Variants in TOP2B observed in about 807,000 individuals in gnomAD.
The protein encoded by TOP2B is DNA topoisomerase 2-beta.
TOP2B carries 51 observed loss-of-function variants against 193.5 expected under a neutral mutation model. That is an observed-to-expected ratio of 0.26 (90% CI 0.21 to 0.33). The LOEUF (loss-of-function observed/expected upper bound fraction) is 0.33. Among genes scored for constraint, TOP2B ranks in the 10% least tolerant of loss-of-function variants. TOP2B has a pLI of 1.00. For missense variants in TOP2B, 1,378 were observed against 1,909.3 expected (o/e 0.72, Z 5.19); for synonymous variants, 634 against 635.7 (o/e 1.00, Z 0.04).
intron 1 of TOP2B, among the ~76,000 whole-genome samples, chr3:25,650,733 T>C (rs1233107676): frequency 6.6e-6 from 1 of 152,250 alleles, no homozygotes; most frequent in Admixed American, 6.5e-5. Flanking sequence ...TCCTGACAAA[T>C]TGATGTAATG....
At position 25,608,894 on chromosome 3, in the gene TOP2B, C is replaced by A. The variant is rs767828911; in HGVS notation, c.4093+289G>T. ...GCACTTCTAATATTAATAGATCTAT[C>A]ATTGCTGGTATTGTGGCAAGGTACA... On this transcript the variant is annotated intron_variant, in intron 30 of 35. Transcript: ENST00000264331. Among the ~76,000 whole-genome samples, 20 of 152,224 alleles carry A rather than the reference C, an allele frequency of 1.3e-4. No homozygotes were observed. The East Asian group carries it at 2.3e-3, about 18-fold the overall frequency.
At chr3:25,599,291 TTTC>T (rs1702022893) in intron 35 of TOP2B, 141 bp downstream of exon 35, 1 of 672,962 alleles carries the variant, frequency 1.5e-6, no homozygotes, top group South Asian at 2.1e-5. Flanking sequence ...ACTTGAATAA[TTTC>T]TTAACCAAAT....
chr3:25,605,506 TC>T (rs1318881446), intron 32 of TOP2B, among the ~76,000 whole-genome samples: 1 of 151,846 alleles, frequency 6.6e-6, no homozygotes, highest in African/African-American at 2.4e-5. Context: ...ACCAAATATG[TC>T]TAAATGTATA....
rs775433798 is a variant in TOP2B at position 25,630,069 on chromosome 3, T to C, written c.1649A>G (p.Lys550Arg). The C allele has an allele frequency of 1.2e-6, 2 of 1,608,942 alleles. No homozygotes were observed. The highest frequency in any genetic ancestry group is 1.3e-5 in the African/African-American group (1 of 74,796). The stretch of plus-strand genomic sequence containing the variant: ...CATAATCTTTCCATAGCGTAAGGTT[T>C]TCAGAGATTCTGCATCATCGTAACT... ...KKSYDDAESL[K>R]TLRYGKIMIM... Residue 550 changes from lysine (K) to arginine (R), a missense_variant, in exon 13 of 36, where the codon AAA becomes AGA. By Grantham distance (26) the Lys-to-Arg change is conservative. Transcript: ENST00000264331.
chr3:25,607,111 T>C (rs1289555072), intron 31 of TOP2B, 60 bp downstream of exon 31: 3 of 1,577,464 alleles, frequency 1.9e-6, no homozygotes, highest in African/African-American at 2.7e-5. Context: ...CTCACTATAA[T>C]ATCTTTGGCA....
intron 1 of TOP2B, among the ~76,000 whole-genome samples, chr3:25,653,129 G>T (rs1703641965): frequency 6.6e-6 from 1 of 152,112 alleles, no homozygotes; most frequent in Non-Finnish European, 1.5e-5. Context: ...ATAAGAAGAT[G>T]AAACAGTAAT....
At chr3:25,631,927 G>A (rs1702970753) in intron 10 of TOP2B, among the ~76,000 whole-genome samples, 1 of 152,026 alleles carries the variant, frequency 6.6e-6, no homozygotes, top group Non-Finnish European at 1.5e-5. Context: ...AAATTCCAAA[G>A]AGGAGAGGCT....
intron 1 of TOP2B, among the ~76,000 whole-genome samples, chr3:25,660,729 A>G (rs919235589): frequency 6.6e-6 from 1 of 152,252 alleles, no homozygotes; most frequent in African/African-American, 2.4e-5. Context: ...AAACCACTAA[A>G]GCAAGGTTCT....
intron 1 of TOP2B, among the ~76,000 whole-genome samples, chr3:25,651,313 G>A (rs1269055394): frequency 6.6e-6 from 1 of 151,996 alleles, no homozygotes; most frequent in Non-Finnish European, 1.5e-5. Context: ...GTTTTCATAT[G>A]GCATTGAAGT....
chr3:25,624,745 A>C lies in TOP2B; in HGVS notation c.2283T>G (p.Arg761=). The change falls in exon 19 of 36, where the codon CGT becomes CGG. Residue 761 remains arginine (R), a synonymous_variant. Transcript: ENST00000264331. ...LFTCFKRNDK[R]EVKVAQLAGS... is the part of the protein sequence containing the mutation. ...CAGCCAACTGGGCAACTTTTACTTC[A>C]CGTTTATCATTCCTCTTGAAACAGG... 1 of 1,613,768 alleles carries C rather than the reference A, an allele frequency of 6.2e-7. No individual in the cohort carries two copies. The highest frequency in any genetic ancestry group is 8.5e-7 in the Non-Finnish European group (1 of 1,179,764).
chr3:25,650,260 CT>C (rs1703547183), intron 1 of TOP2B, among the ~76,000 whole-genome samples: 7 of 152,232 alleles, frequency 4.6e-5, no homozygotes, highest in Admixed American at 4.6e-4. Context: ...TCAAAACACT[CT>C]TATAATAAGC....
intron 33 of TOP2B, among the ~76,000 whole-genome samples, chr3:25,602,353 C>T (rs367782856): frequency 1.4e-5 from 2 of 143,812 alleles, no homozygotes; most frequent in East Asian, 2.0e-4. Context: ...GCCAAGATCA[C>T]GCTACTCCAC....
chr3:25,648,240 C>T (rs1258331675), intron 1 of TOP2B, among the ~76,000 whole-genome samples: 4 of 152,162 alleles, frequency 2.6e-5, no homozygotes, highest in Admixed American at 6.5e-5. Context: ...CAGAAACAGA[C>T]ACAAGGTGGA....
At position 25,598,453 on chromosome 3, in the gene TOP2B, G is replaced by A. The variant is rs1701987238; in HGVS notation, c.4735C>T (p.Gln1579Ter). The change falls in exon 36 of 36, where the codon CAG (glutamine) becomes TAG (stop). Residue 1579 changes from glutamine (Q) to a stop codon, truncating the protein, a stop_gained. Coordinates refer to ENST00000264331, the MANE Select transcript of TOP2B (RefSeq NM_001330700.2). LOFTEE classifies it high-confidence loss of function. The stretch of plus-strand genomic sequence containing the variant: ...GGGAAGATGTCCACATCTGAATCCT[G>A]ATCAAAAGATGTCTTCTTCGGTTTC... ...SKKPKKTSFD[Q>*]DSDVDIFPSD... The A allele has an allele frequency of 1.3e-6, 2 of 1,592,992 alleles. No homozygotes were observed. Among genetic ancestry groups the A allele is most frequent in the Non-Finnish European group, 1.7e-6 (2 of 1,172,970 alleles).
intron 20 of TOP2B, among the ~76,000 whole-genome samples, 161 bp downstream of exon 20, chr3:25,624,136 C>A (rs1397732535): frequency 6.6e-6 from 1 of 152,186 alleles, no homozygotes; most frequent in African/African-American, 2.4e-5. Flanking sequence ...TTAAGGTCAA[C>A]AGACTTCATT....
At chr3:25,664,113 C>T (rs1704007545) in intron 1 of TOP2B, 116 bp downstream of exon 1, 65 of 1,448,414 alleles carry the variant, frequency 4.5e-5, no homozygotes, top group Non-Finnish European at 5.6e-5. Context: ...CCCTATGGAG[C>T]GCCCGTTCGG....
chr3:25,655,978 C>A (rs1488371624), intron 1 of TOP2B, among the ~76,000 whole-genome samples: 3 of 152,046 alleles, frequency 2.0e-5, no homozygotes, highest in African/African-American at 7.2e-5. Flanking sequence ...TTAACACTAC[C>A]GAACTCTACA....
chr3:25,616,865 T>G (rs1373580596), intron 25 of TOP2B, among the ~76,000 whole-genome samples: 1 of 151,914 alleles, frequency 6.6e-6, no homozygotes, highest in East Asian at 1.9e-4. Context: ...TAAATATGAC[T>G]AAGAACACTT....
At chr3:25,628,705 T>C (rs186773990) in intron 15 of TOP2B, 142 bp downstream of exon 15, 3 of 568,386 alleles carry the variant, frequency 5.3e-6, no homozygotes, top group East Asian at 3.0e-5. Context: ...CTTGCATACA[T>C]TTTTCTATAA....
Sources: allele counts gnomAD v4.1 joint callset (sites outside exome capture counted in the v4.1 genomes callset), GRCh38; gene constraint gnomAD v4.1.1; transcripts MANE v1.5; gene names NCBI Gene and HGNC (gene_info 2026-07-23, HGNC 2026-07-21).